Variants in DOCK1 observed in about 807,000 individuals in gnomAD.
The protein encoded by DOCK1 is dedicator of cytokinesis protein 1.
DOCK1 carries 138 observed loss-of-function variants against 262.7 expected under a neutral mutation model. The observed-to-expected ratio is 0.53, with a 90% confidence interval of 0.46 to 0.61. The LOEUF (loss-of-function observed/expected upper bound fraction) is 0.61. Ranked by LOEUF, DOCK1 falls within the 20% of genes least tolerant of loss-of-function variation. DOCK1 has a pLI of 0.00. For missense variants in DOCK1, 1,908 were observed against 2,370.7 expected (o/e 0.80, Z 4.05); for synonymous variants, 866 against 867.4 (o/e 1.00, Z 0.03).
At chr10:126,972,672 C>T (rs183751121) in intron 2 of DOCK1, among the ~76,000 whole-genome samples, 114 of 152,164 alleles carry the variant, frequency 7.5e-4, no homozygotes, top group African/African-American at 2.6e-3. Flanking sequence ...TGCCCAGCTT[C>T]CTGCTCGAGG....
At chr10:127,109,708 C>G (rs556362395) in intron 24 of DOCK1, among the ~76,000 whole-genome samples, 1 of 152,312 alleles carries the variant, frequency 6.6e-6, no homozygotes, top group African/African-American at 2.4e-5. Flanking sequence ...TCAGTGCCTC[C>G]TTGTTTTTGG....
intron 3 of DOCK1, among the ~76,000 whole-genome samples, chr10:126,980,339 A>G (rs576297427): frequency 6.6e-6 from 1 of 152,026 alleles, no homozygotes; most frequent in Non-Finnish European, 1.5e-5. Flanking sequence ...CTACAGGTGC[A>G]CACCACCATG....
chr10:126,966,024 C>G (rs959643329), intron 1 of DOCK1, among the ~76,000 whole-genome samples: 2 of 152,134 alleles, frequency 1.3e-5, no homozygotes, highest in African/African-American at 4.8e-5. Context: ...CCACTTCCCC[C>G]CTACCCTTCT....
chr10:127,395,361 G>A (rs6482865), intron 38 of DOCK1, among the ~76,000 whole-genome samples: 62,896 of 151,862 alleles, frequency 0.41, 13,714 homozygotes, highest in Middle Eastern at 0.54. Context: ...GCGCTCTTCC[G>A]GGCCTCTGTT....
intron 27 of DOCK1, among the ~76,000 whole-genome samples, chr10:127,196,381 G>C (rs2057151386): frequency 6.7e-6 from 1 of 148,710 alleles, no homozygotes; most frequent in Non-Finnish European, 1.5e-5. Flanking sequence ...GCGCTCCTCC[G>C]ATGTCCTCAT....
intron 23 of DOCK1, among the ~76,000 whole-genome samples, chr10:127,092,338 C>T (rs1056428935): frequency 1.3e-5 from 2 of 152,182 alleles, no homozygotes; most frequent in Admixed American, 6.5e-5. Context: ...AGCAAGGCAT[C>T]GCTCCCGCCA....
At chr10:127,382,255 C>G (rs1347275147) in intron 37 of DOCK1, among the ~76,000 whole-genome samples, 1 of 152,096 alleles carries the variant, frequency 6.6e-6, no homozygotes, top group Non-Finnish European at 1.5e-5. Flanking sequence ...ATTAAATGGG[C>G]ATTCAGTAGT....
At chr10:127,408,807 G>A (rs182000733) in intron 40 of DOCK1, among the ~76,000 whole-genome samples, 2 of 152,084 alleles carry the variant, frequency 1.3e-5, no homozygotes, top group African/African-American at 2.4e-5. Flanking sequence ...TGTTAGTAGC[G>A]CAGTGCTGAG....
intron 27 of DOCK1, chr10:127,137,997 T>G: frequency 6.2e-7 from 1 of 1,611,068 alleles, no homozygotes. Flanking sequence ...TTTGTCTTCT[T>G]GCTGCTTAAA....
chr10:126,938,510 T>C (rs2034709757), intron 1 of DOCK1, among the ~76,000 whole-genome samples: 1 of 152,254 alleles, frequency 6.6e-6, no homozygotes, highest in Admixed American at 6.5e-5. Flanking sequence ...GGTCTCTGTA[T>C]ATCTGTCTTT....
At chr10:127,279,382 T>A (rs913377852) in intron 29 of DOCK1, among the ~76,000 whole-genome samples, 2 of 152,324 alleles carry the variant, frequency 1.3e-5, no homozygotes, top group Middle Eastern at 3.4e-3. Flanking sequence ...GCAATACTGA[T>A]TTAGTATCTC....
At chr10:127,307,487 TCAAGAAA>T (rs2061916637) in intron 29 of DOCK1, among the ~76,000 whole-genome samples, 1 of 152,194 alleles carries the variant, frequency 6.6e-6, no homozygotes. Flanking sequence ...CAGTGCCCAA[TCAAGAAA>T]CAAACGTGCT....
intron 29 of DOCK1, among the ~76,000 whole-genome samples, chr10:127,270,759 G>A (rs537000189): frequency 2.7e-4 from 41 of 152,112 alleles, no homozygotes; most frequent in African/African-American, 8.7e-4. Flanking sequence ...CTTTTTACAC[G>A]TCCCTGTCCC....
At chr10:127,275,455 C>T (rs1415695145) in intron 29 of DOCK1, among the ~76,000 whole-genome samples, 1 of 152,096 alleles carries the variant, frequency 6.6e-6, no homozygotes, top group Non-Finnish European at 1.5e-5. Context: ...AGGTAGGCAC[C>T]CTGGCTGTGG....
chr10:126,921,941 G>A (rs1414183179), intron 1 of DOCK1, among the ~76,000 whole-genome samples: 2 of 152,062 alleles, frequency 1.3e-5, no homozygotes, highest in Non-Finnish European at 2.9e-5. Flanking sequence ...GCTGGACACA[G>A]TGGTTCATGC....
In DOCK1 at chr10:127,452,350, A is replaced by G. The variant is rs1007498895; in HGVS notation, c.*923A>G. ...CACATTTTTTTTTTGAGAACTCCAA[A>G]GTCCTGAAAATTTTGGTGGACAATG... On this transcript the variant is annotated 3_prime_UTR_variant, in exon 52 of 52. Transcript: ENST00000623213. 6.6e-5 allele frequency: 10 copies of G among 152,582 alleles called. No individual in the cohort carries two copies. The highest frequency in any genetic ancestry group is 2.4e-4 in the African/African-American group (10 of 41,436). The allele number at this position is 152,582 out of a possible 1,614,324, so 9.5% of individuals were successfully genotyped here. A position where few individuals can be genotyped will look rare whatever the true frequency, so the allele number is the denominator to read the frequency against.
chr10:126,918,583 C>T lies in DOCK1; in HGVS notation c.46+13020C>T, dbSNP rs143758670. Among the ~76,000 whole-genome samples, 568 of 152,304 alleles carry T rather than the reference C, an allele frequency of 3.7e-3. 6 individuals are homozygous for T. Among genetic ancestry groups the T allele is most frequent in the African/African-American group, 0.013 (545 of 41,570 alleles). On this transcript the variant is annotated intron_variant, in intron 1 of 51. Transcript: ENST00000623213. ...GGGCCTGCCCAGTAGATCCCGGTAG[C>T]AGGATCCCCCTCCAGCTCTGTATGT...
chr10:127,026,296 T>G, intron 15 of DOCK1, 56 bp from the exon 16 acceptor site: 2 of 1,477,280 alleles, frequency 1.4e-6, no homozygotes, highest in Non-Finnish European at 1.9e-6. Context: ...TGAATAAAGC[T>G]GTTACGCTGG....
At chr10:127,288,775 A>ACT (rs140573060) in intron 29 of DOCK1, among the ~76,000 whole-genome samples, 2 of 114,012 alleles carry the variant, frequency 1.8e-5, no homozygotes, top group African/African-American at 6.5e-5. Context: ...TATATATTTC[A>ACT]CACACACACA....
Sources: allele counts gnomAD v4.1 joint callset (sites outside exome capture counted in the v4.1 genomes callset), GRCh38; gene constraint gnomAD v4.1.1; transcripts MANE v1.5; gene names NCBI Gene and HGNC (gene_info 2026-07-23, HGNC 2026-07-21).